The following TMEM260 variants were observed in gnomAD, a reference collection of about 807,000 sequenced individuals.
The protein encoded by TMEM260 is transmembrane protein 260, also known as protein O-mannosyl-transferase TMEM260.
In TMEM260, 82 loss-of-function variants were observed where a neutral mutation model predicts 88.9. That is an observed-to-expected ratio of 0.92 (90% CI 0.77 to 1.11). TMEM260 has a LOEUF of 1.11. Among genes scored for constraint, TMEM260 ranks in the 50% least tolerant of loss-of-function variants. The pLI is 0.00. For synonymous variants in TMEM260, 314 were observed against 309.3 expected (o/e 1.02, Z -0.16); for missense variants, 902 against 853.4 (o/e 1.06, Z -0.71).
intron 10 of TMEM260, among the ~76,000 whole-genome samples, chr14:56,620,397 CACA>C (rs1432014221): frequency 6.6e-6 from 1 of 152,182 alleles, no homozygotes; most frequent in Non-Finnish European, 1.5e-5. Context: ...GTGTCCTGGA[CACA>C]ACATCATCGC....
chr14:56,614,926 T>C (rs1413951984), intron 7 of TMEM260, among the ~76,000 whole-genome samples: 1 of 152,230 alleles, frequency 6.6e-6, no homozygotes, highest in Non-Finnish European at 1.5e-5. Flanking sequence ...ATTAAATTTT[T>C]TCCCCATGCA....
Position 56,621,594 on chromosome 14 carries a change from G to A in TMEM260, c.1290G>A (p.Met430Ile), listed in dbSNP as rs749211296. ...DKFAKNLLTS[M>I]PHDAIILLRG... ...TCGCAAAGAACCTTCTCACCTCTAT[G>A]CCTCATGATGCAATTATCTTACTCA... The change falls in exon 11 of 16, where the codon ATG (methionine) becomes ATA (isoleucine). Residue 430 changes from methionine to isoleucine, a missense_variant. By Grantham distance (10) the Met-to-Ile change is conservative. Transcript: ENST00000261556. The A allele has an allele frequency of 7.3e-5, 117 of 1,613,380 alleles. No homozygotes were observed. The highest frequency in any genetic ancestry group is 9.8e-5 in the Non-Finnish European group (116 of 1,179,766).
chr14:56,605,076 A>T (rs982751654), intron 4 of TMEM260, among the ~76,000 whole-genome samples: 43 of 152,240 alleles, frequency 2.8e-4, no homozygotes, highest in African/African-American at 9.6e-4. Context: ...AATTGGGAAG[A>T]GTTCAGAGGA....
chr14:56,645,660 ATACT>A (rs1889920768), intron 15 of TMEM260, among the ~76,000 whole-genome samples: 4 of 152,310 alleles, frequency 2.6e-5, no homozygotes, highest in Admixed American at 2.0e-4. Context: ...TTAAAAAATT[ATACT>A]TAATTTAAAA....
downstream of TMEM260, chr14:56,649,550 C>T (rs2139666987): frequency 6.6e-6 from 1 of 152,274 alleles, no homozygotes; most frequent in Admixed American, 6.5e-5. Flanking sequence ...AGAGATTGCA[C>T]ATATGCGTGG....
Position 56,627,031 on chromosome 14 carries a change from T to C in TMEM260, c.1547+1501T>C, listed in dbSNP as rs938682078. ...CATAAGCATTTCCCCATGTATATTA[T>C]TGTCATTGTTGGCTAATATTCTCAT... On this transcript the variant is annotated intron_variant, in intron 12 of 15. Transcript: ENST00000261556. Among the ~76,000 whole-genome samples the C allele has an allele frequency of 1.8e-4, 27 of 152,154 alleles. 1 individual carries two copies. The highest frequency in any genetic ancestry group is 3.7e-4 in the Non-Finnish European group (25 of 67,998).
At chr14:56,590,071 G>A (rs1286578997) in intron 3 of TMEM260, among the ~76,000 whole-genome samples, 3 of 152,164 alleles carry the variant, frequency 2.0e-5, no homozygotes, top group African/African-American at 4.8e-5. Context: ...AAGTACTGGA[G>A]CGTTAATTTC....
At chr14:56,639,881 C>T (rs1054765545) in intron 15 of TMEM260, among the ~76,000 whole-genome samples, 1 of 152,198 alleles carries the variant, frequency 6.6e-6, no homozygotes, top group African/African-American at 2.4e-5. Flanking sequence ...GAACCTCACT[C>T]ATTGCTAGCA....
Position 56,585,747 on chromosome 14 carries a change from T to C in TMEM260, c.193-14T>C, listed in dbSNP as rs1297757392. On this transcript the variant is annotated splice_polypyrimidine_tract_variant and intron_variant, in intron 2 of 15. Coordinates refer to ENST00000261556, the MANE Select transcript of TMEM260 (RefSeq NM_017799.4). ...TAGATGAAAACCTTCTAACTGTTGCTAATTTTTCCGTAGGTTGCCCATCCT... is the reference window on the plus strand; with the variant it reads ...TAGATGAAAACCTTCTAACTGTTGCCAATTTTTCCGTAGGTTGCCCATCCT... 6.2e-7 allele frequency: 1 copy of C among 1,610,172 alleles called. No individual in the cohort carries two copies. The highest frequency in any genetic ancestry group is 1.1e-5 in the South Asian group (1 of 90,380).
chr14:56,614,752 C>A (rs537026331), intron 7 of TMEM260, among the ~76,000 whole-genome samples: 1 of 152,230 alleles, frequency 6.6e-6, no homozygotes, highest in Non-Finnish European at 1.5e-5. Context: ...ACCAAGTCAT[C>A]ATGTAGAATG....
At position 56,647,318 on chromosome 14, in the gene TMEM260, C is replaced by T. The variant is rs760776987; in HGVS notation, c.1945C>T (p.Arg649Trp). Residue 649 changes from arginine (R) to tryptophan (W), a missense_variant, in exon 16 of 16, where the codon CGG becomes TGG. Physicochemically the swap from Arg to Trp is moderately radical, Grantham distance 101 (BLOSUM62 -3). Transcript: ENST00000261556. ...WHKNYAIACE[R>W]MLRLQARDAD... ...CAAGAACTATGCCATCGCCTGTGAG[C>T]GGATGCTGCGTCTTCAGGCAAGAGA... is the stretch of plus-strand genomic sequence containing the variant. 1.2e-5 allele frequency: 20 copies of T among 1,614,038 alleles called. No homozygotes were observed. The highest frequency in any genetic ancestry group is 1.1e-5 in the South Asian group (1 of 91,092).
chr14:56,644,957 C>G (rs1274902989), intron 15 of TMEM260, among the ~76,000 whole-genome samples: 1 of 152,020 alleles, frequency 6.6e-6, no homozygotes, highest in Admixed American at 6.6e-5. Flanking sequence ...CCATCTCACA[C>G]CAGTTAGAAT....
At chr14:56,593,842 C>T (rs1030161569) in intron 3 of TMEM260, among the ~76,000 whole-genome samples, 30 of 150,946 alleles carry the variant, frequency 2.0e-4, no homozygotes, top group Admixed American at 1.2e-3. Flanking sequence ...CGCCCGCCAC[C>T]GCGCCCGGCT....
chr14:56,627,657 T>TC (rs1888322775), intron 12 of TMEM260, among the ~76,000 whole-genome samples: 7 of 150,798 alleles, frequency 4.6e-5, no homozygotes, highest in African/African-American at 9.9e-5. Context: ...AGAGATATTT[T>TC]TCCCCCCCAA....
chr14:56,661,963 C>T, the TMEM260 span, among the ~76,000 whole-genome samples: 2 of 152,070 alleles, frequency 1.3e-5, no homozygotes, highest in Non-Finnish European at 2.9e-5. Context: ...ATTAGACCTT[C>T]GGGATTATAA....
the TMEM260 span, among the ~76,000 whole-genome samples, chr14:56,659,288 C>A: frequency 6.8e-6 from 1 of 146,018 alleles, no homozygotes; most frequent in African/African-American, 2.6e-5. Flanking sequence ...GTTTTAAAAG[C>A]AAGGCACTCC....
chr14:56,580,223 C>T (rs1885030939), intron 1 of TMEM260, 149 bp downstream of exon 1: 3 of 604,496 alleles, frequency 5.0e-6, no homozygotes, highest in Non-Finnish European at 7.2e-6. Flanking sequence ...ATTGTGTGTT[C>T]CAGAGCCCAC....
At chr14:56,624,514 G>A (rs1421147611) in intron 11 of TMEM260, among the ~76,000 whole-genome samples, 8 of 152,286 alleles carry the variant, frequency 5.3e-5, no homozygotes, top group African/African-American at 1.9e-4. Flanking sequence ...GCTTGCAGTG[G>A]GCTGAGATCA....
chr14:56,651,688 G>T (rs1890209465), downstream of TMEM260, among the ~76,000 whole-genome samples: 1 of 152,234 alleles, frequency 6.6e-6, no homozygotes, highest in Admixed American at 6.5e-5. Context: ...TAACTGCAGA[G>T]TTGCAAGTCT....
Sources: allele counts gnomAD v4.1 joint callset (sites outside exome capture counted in the v4.1 genomes callset), GRCh38; gene constraint gnomAD v4.1.1; transcripts MANE v1.5; gene names NCBI Gene and HGNC (gene_info 2026-07-23, HGNC 2026-07-21).